The following SRPK2 variants were observed in gnomAD, a reference collection of about 807,000 sequenced individuals.
SRPK2 encodes the protein SRSF protein kinase 2, also known as SFRS protein kinase 2.
SRPK2 carries 21 observed loss-of-function variants against 90.8 expected under a neutral mutation model. The observed-to-expected ratio is 0.23, with a 90% CI of 0.16 to 0.33. The LOEUF (loss-of-function observed/expected upper bound fraction) is 0.33. Ranked by LOEUF, SRPK2 falls within the 10% of genes least tolerant of loss-of-function variation. SRPK2 has a pLI of 1.00. For missense variants in SRPK2, 620 were observed against 869.0 expected, an observed-to-expected ratio of 0.71 and a Z score of 3.60; for synonymous variants, 288 against 311.1, an observed-to-expected ratio of 0.93 and a Z score of 0.78.
intron 3 of SRPK2, among the ~76,000 whole-genome samples, chr7:105,178,880 T>C (rs764130310): frequency 1.3e-5 from 2 of 152,044 alleles, no homozygotes; most frequent in Non-Finnish European, 2.9e-5. Flanking sequence ...GAAAACACTA[T>C]TTTCCTCATT....
intron 2 of SRPK2, among the ~76,000 whole-genome samples, chr7:105,338,083 A>AG (rs1454346443): frequency 6.7e-6 from 1 of 148,588 alleles, no homozygotes; most frequent in Non-Finnish European, 1.5e-5. Context: ...AGAATATTAA[A>AG]AAAAAAAAAA....
intron 2 of SRPK2, among the ~76,000 whole-genome samples, chr7:105,298,428 G>A (rs9641346): frequency 0.19 from 28,250 of 151,954 alleles, 3,373 homozygotes; most frequent in East Asian, 0.64. Context: ...TGTTAAAAAA[G>A]AAATGCTGCT....
At chr7:105,327,017 C>G (rs1482853085) in intron 2 of SRPK2, among the ~76,000 whole-genome samples, 1 of 148,972 alleles carries the variant, frequency 6.7e-6, no homozygotes, top group South Asian at 2.1e-4. Context: ...AAGCTGAGAT[C>G]GTGCCACTGC....
intron 3 of SRPK2, among the ~76,000 whole-genome samples, chr7:105,203,239 C>G (rs1329537651): frequency 2.0e-5 from 3 of 152,164 alleles, no homozygotes; most frequent in Non-Finnish European, 4.4e-5. Context: ...ATCTGCCCAC[C>G]TCGACCTCCT....
At chr7:105,346,855 G>GT (rs1466440715) in intron 2 of SRPK2, among the ~76,000 whole-genome samples, 4 of 68,742 alleles carry the variant, frequency 5.8e-5, no homozygotes, top group East Asian at 4.6e-4. Context: ...CTTCTCATTT[G>GT]TTAAAAAAAA....
chr7:105,257,371 C>G (rs1020827215), intron 2 of SRPK2, among the ~76,000 whole-genome samples: 1 of 152,192 alleles, frequency 6.6e-6, no homozygotes, highest in South Asian at 2.1e-4. Flanking sequence ...CTGATAAATT[C>G]ATCATAATCT....
chr7:105,123,792 C>G (rs916795139), intron 15 of SRPK2, among the ~76,000 whole-genome samples: 1 of 152,146 alleles, frequency 6.6e-6, no homozygotes, highest in African/African-American at 2.4e-5. Context: ...CAGGAAAGAA[C>G]TGAAGTCCCA....
chr7:105,344,641 A>G (rs868291297), intron 2 of SRPK2, among the ~76,000 whole-genome samples: 4 of 152,054 alleles, frequency 2.6e-5, no homozygotes, highest in Admixed American at 6.6e-5. Flanking sequence ...ATGACAGGCT[A>G]TATCTGGCCA....
intron 2 of SRPK2, among the ~76,000 whole-genome samples, chr7:105,294,017 A>C (rs1809443461): frequency 6.6e-6 from 1 of 152,158 alleles, no homozygotes; most frequent in African/African-American, 2.4e-5. Context: ...GGGCACACCT[A>C]ATCCAATCCC....
At chr7:105,255,957 A>G (rs928811213) in intron 2 of SRPK2, among the ~76,000 whole-genome samples, 1 of 151,914 alleles carries the variant, frequency 6.6e-6, no homozygotes, top group African/African-American at 2.4e-5. Context: ...GAGCGAGAAC[A>G]AGAAAAATGC....
At chr7:105,211,472 T>C (rs1796849863) in intron 2 of SRPK2, among the ~76,000 whole-genome samples, 1 of 152,120 alleles carries the variant, frequency 6.6e-6, no homozygotes, top group Admixed American at 6.5e-5. Flanking sequence ...TCTGCTAAGC[T>C]TCCGGGAAGG....
chr7:105,288,468 C>T (rs1220392471), intron 2 of SRPK2, among the ~76,000 whole-genome samples: 1 of 151,878 alleles, frequency 6.6e-6, no homozygotes, highest in East Asian at 1.9e-4. Flanking sequence ...GTGGCGGGCA[C>T]CTGTAATCTC....
chr7:105,267,791 A>G (rs887904818), intron 2 of SRPK2, among the ~76,000 whole-genome samples: 2 of 152,156 alleles, frequency 1.3e-5, no homozygotes, highest in African/African-American at 4.8e-5. Flanking sequence ...TTTTTTCTGT[A>G]TCATTCCTTA....
chr7:105,396,696 A>G (rs1759209447), intron 1 of SRPK2, among the ~76,000 whole-genome samples: 1 of 136,824 alleles, frequency 7.3e-6, no homozygotes, highest in Non-Finnish European at 1.6e-5. Flanking sequence ...TAGGAGGAGA[A>G]GGAGGAGGAG....
At chr7:105,338,860 A>G (rs2131844507) in intron 2 of SRPK2, among the ~76,000 whole-genome samples, 1 of 152,288 alleles carries the variant, frequency 6.6e-6, no homozygotes, top group South Asian at 2.1e-4. Context: ...TTTCAAAAAG[A>G]TAATACCACC....
Position 105,196,806 on chromosome 7 carries a change from T to C in SRPK2, c.229+6822A>G, listed in dbSNP as rs1202907442. Among the ~76,000 whole-genome samples the C allele has an allele frequency of 2.0e-5, 3 of 152,106 alleles. No individual in the cohort carries two copies. In the East Asian group the frequency reaches 5.8e-4, roughly 29 times the overall value. ...GGCTCACACCTGTAATCCCTGCACTTTGGGAGGCTGAGACAGGCGGATCAC... is the reference window on the plus strand; with the variant it reads ...GGCTCACACCTGTAATCCCTGCACTCTGGGAGGCTGAGACAGGCGGATCAC... On this transcript the variant is annotated intron_variant, in intron 3 of 15. Coordinates refer to ENST00000393651, the MANE Select transcript of SRPK2 (RefSeq NM_182692.3).
upstream of SRPK2, among the ~76,000 whole-genome samples, chr7:105,391,986 G>A (rs1822194584): frequency 6.6e-6 from 1 of 152,184 alleles, no homozygotes; most frequent in Non-Finnish European, 1.5e-5. Flanking sequence ...TAAACAAATT[G>A]CGGTATATAC....
Position 105,117,674 on chromosome 7 carries a change from A to C in SRPK2, c.*164T>G. On this transcript the variant is annotated 3_prime_UTR_variant, in exon 16 of 16. Transcript: ENST00000393651. ...AAAGACTACCCTTCCCCAGGATCAC[A>C]GTGCACAAAAAGCAAAATGTCAAAC... 1.5e-6 allele frequency: 1 copy of C among 679,988 alleles called. No individual in the cohort carries two copies. The highest frequency in any genetic ancestry group is 2.4e-6 in the Non-Finnish European group (1 of 408,340). 42.1% of individuals were successfully genotyped at this position (679,988 alleles called of 1,614,324 possible).
At chr7:105,359,819 A>T (rs1818224162) in intron 2 of SRPK2, among the ~76,000 whole-genome samples, 1 of 152,192 alleles carries the variant, frequency 6.6e-6, no homozygotes, top group South Asian at 2.1e-4. Context: ...ATTTTAGAAT[A>T]AGTGCGATGT....
Sources: allele counts gnomAD v4.1 joint callset (sites outside exome capture counted in the v4.1 genomes callset), GRCh38; gene constraint gnomAD v4.1.1; transcripts MANE v1.5; gene names NCBI Gene and HGNC (gene_info 2026-07-23, HGNC 2026-07-21).